The following FAM135B variants were observed in gnomAD, a reference collection of about 807,000 sequenced individuals.
FAM135B encodes the protein family with sequence similarity 135 member B.
FAM135B carries 43 observed loss-of-function variants against 127.7 expected under a neutral mutation model. The observed-to-expected ratio is 0.34, with a 90% CI of 0.26 to 0.43. The LOEUF (loss-of-function observed/expected upper bound fraction) is 0.43. FAM135B is among the 20% of genes least tolerant of loss of function. The pLI, the probability that FAM135B is intolerant of heterozygous loss-of-function variation, is 1.00. For synonymous variants in FAM135B, 670 were observed against 665.1 expected (o/e 1.01, Z -0.11); for missense variants, 1,558 against 1,725.6 (o/e 0.90, Z 1.72).
At chr8:138,203,167 C>T (rs915663351) in intron 7 of FAM135B, among the ~76,000 whole-genome samples, 6 of 152,150 alleles carry the variant, frequency 3.9e-5, no homozygotes, top group Non-Finnish European at 8.8e-5. Context: ...TCAACTCTTT[C>T]CTTTATGCAA....
chr8:138,360,180 A>G (rs1220983981), intron 2 of FAM135B, among the ~76,000 whole-genome samples: 4 of 152,234 alleles, frequency 2.6e-5, no homozygotes, highest in Non-Finnish European at 5.9e-5. Flanking sequence ...TTTTGTCTGA[A>G]TTAATATTTA....
chr8:138,215,432 T>C (rs1472161961), intron 7 of FAM135B, among the ~76,000 whole-genome samples: 1 of 152,210 alleles, frequency 6.6e-6, no homozygotes, highest in Non-Finnish European at 1.5e-5. Context: ...ATTTCCCTTA[T>C]ATCTATAAAC....
intron 13 of FAM135B, among the ~76,000 whole-genome samples, chr8:138,150,391 G>A (rs943628094): frequency 4.6e-5 from 7 of 152,134 alleles, no homozygotes; most frequent in Admixed American, 6.5e-5. Flanking sequence ...CAAAATTGGC[G>A]GGGTACTGTG....
In FAM135B at chr8:138,132,990, T is replaced by G. The variant is rs1470516662; in HGVS notation, c.4016-192A>C. Among the ~76,000 whole-genome samples the G allele has an allele frequency of 6.6e-6, 1 of 152,180 alleles. No homozygotes were observed. The highest frequency in any genetic ancestry group is 6.5e-5 in the Admixed American group (1 of 15,296). On this transcript the variant is annotated intron_variant, in intron 19 of 19. Coordinates refer to ENST00000395297, the MANE Select transcript of FAM135B (RefSeq NM_015912.4). The surrounding 1 kb of genome is among the most constrained non-coding windows in gnomAD (Gnocchi z 4.5). ...TTCTCTTTTTCTAGTCAGATGACAATAGCCAGAAGTCAGAAGGGGATTCCT... is the reference window on the plus strand; with the variant it reads ...TTCTCTTTTTCTAGTCAGATGACAAGAGCCAGAAGTCAGAAGGGGATTCCT...
intron 1 of FAM135B, among the ~76,000 whole-genome samples, chr8:138,489,956 A>G (rs1815136010): frequency 6.6e-6 from 1 of 152,140 alleles, no homozygotes; most frequent in African/African-American, 2.4e-5. Flanking sequence ...TCTTATCTCT[A>G]TCATAGCTTT....
intron 1 of FAM135B, among the ~76,000 whole-genome samples, chr8:138,397,215 A>T (rs1208469828): frequency 6.6e-6 from 1 of 152,224 alleles, no homozygotes; most frequent in East Asian, 1.9e-4. Context: ...CTGGAGCCAG[A>T]TTCCAGGGCA....
At chr8:138,340,615 G>A (rs1358356149) in intron 2 of FAM135B, among the ~76,000 whole-genome samples, 3 of 152,028 alleles carry the variant, frequency 2.0e-5, no homozygotes, top group Admixed American at 6.5e-5. Flanking sequence ...CTATGATGCC[G>A]ACCTGCTCTT....
intron 1 of FAM135B, among the ~76,000 whole-genome samples, chr8:138,428,116 TC>T (rs1834999787): frequency 6.6e-6 from 1 of 152,098 alleles, no homozygotes; most frequent in African/African-American, 2.4e-5. Context: ...AATCCAATCA[TC>T]CCCTGGAATA....
intron 3 of FAM135B, among the ~76,000 whole-genome samples, chr8:138,297,387 A>G (rs1474211149): frequency 6.6e-6 from 1 of 152,224 alleles, no homozygotes; most frequent in Non-Finnish European, 1.5e-5. Flanking sequence ...CGCTTGCCCA[A>G]AGTCTCACCA....
chr8:138,262,880 C>A (rs956686231), intron 4 of FAM135B, among the ~76,000 whole-genome samples: 2 of 128,086 alleles, frequency 1.6e-5, no homozygotes, highest in African/African-American at 3.0e-5. Context: ...CCAGCCTGAG[C>A]GACAGTGGGA....
intron 1 of FAM135B, among the ~76,000 whole-genome samples, chr8:138,372,100 G>A (rs895810279): frequency 3.3e-5 from 5 of 152,216 alleles, no homozygotes; most frequent in African/African-American, 9.6e-5. Flanking sequence ...TCTGAATGAG[G>A]AGGCCTTTGC....
At chr8:138,181,612 C>T (rs954836654) in intron 9 of FAM135B, among the ~76,000 whole-genome samples, 1 of 152,166 alleles carries the variant, frequency 6.6e-6, no homozygotes, top group African/African-American at 2.4e-5. Context: ...TTCCAGTTTC[C>T]TTTCTTCTTC....
chr8:138,396,495 C>A (rs765824975), intron 1 of FAM135B, among the ~76,000 whole-genome samples: 1 of 152,172 alleles, frequency 6.6e-6, no homozygotes, highest in Admixed American at 6.5e-5. Flanking sequence ...CAGGCTCACT[C>A]TGTCCTTCCT....
At chr8:138,384,362 ATTT>A (rs1326469346) in intron 1 of FAM135B, among the ~76,000 whole-genome samples, 1 of 150,984 alleles carries the variant, frequency 6.6e-6, no homozygotes, top group East Asian at 1.9e-4. Flanking sequence ...TTATTTATTT[ATTT>A]ATTTATTTAT....
intron 9 of FAM135B, among the ~76,000 whole-genome samples, chr8:138,185,103 A>G (rs1426316983): frequency 1.2e-4 from 18 of 152,144 alleles, no homozygotes. Flanking sequence ...GACCTGCGGG[A>G]CAGGGAAAGG....
rs1219350512 is a variant in FAM135B, at chr8:138,241,853, A to G, written c.669+1089T>C. On this transcript the variant is annotated intron_variant, in intron 7 of 19. Transcript: ENST00000395297. This position sits in a 1 kb window ranked among gnomAD's most constrained non-coding sequence, Gnocchi z 4.8. Reference sequence around the variant, plus strand: ...GTCTGGATGAACTGGTCAATTGAATAAAGCAGATAGCCCTCTCCAACATGA... The same window carrying G: ...GTCTGGATGAACTGGTCAATTGAATGAAGCAGATAGCCCTCTCCAACATGA... Among the ~76,000 whole-genome samples, 4 of 152,202 alleles carry G rather than the reference A, an allele frequency of 2.6e-5. No individual in the cohort carries two copies. The highest frequency in any genetic ancestry group is 4.4e-5 in the Non-Finnish European group (3 of 68,034).
intron 1 of FAM135B, among the ~76,000 whole-genome samples, chr8:138,483,963 AAG>A (rs1316201607): frequency 6.6e-6 from 1 of 152,222 alleles, no homozygotes; most frequent in Non-Finnish European, 1.5e-5. Context: ...CCATACAAAT[AAG>A]AAAGAGCAGA....
At chr8:138,175,004 T>A (rs1814308497) in intron 11 of FAM135B, among the ~76,000 whole-genome samples, 1 of 152,198 alleles carries the variant, frequency 6.6e-6, no homozygotes. Context: ...AATACATTAG[T>A]TATTGAATGA....
chr8:138,139,737 G>T (rs1345575276), intron 17 of FAM135B, among the ~76,000 whole-genome samples: 2 of 152,192 alleles, frequency 1.3e-5, no homozygotes, highest in African/African-American at 4.8e-5. Context: ...TTGCATTCCA[G>T]CCTGGGCGAC....
Sources: allele counts gnomAD v4.1 joint callset (sites outside exome capture counted in the v4.1 genomes callset), GRCh38; gene constraint gnomAD v4.1.1; non-coding constraint Gnocchi (gnomAD v3.1); transcripts MANE v1.5; gene names NCBI Gene and HGNC (gene_info 2026-07-23, HGNC 2026-07-21).